Variants in CCDC15 observed in about 807,000 individuals in gnomAD.
CCDC15 encodes the protein coiled-coil domain-containing protein 15.
In CCDC15, 105 loss-of-function variants were observed where a neutral mutation model predicts 114.5. The ratio of observed to expected loss-of-function variants is 0.92; its 90% CI spans 0.78 to 1.08. The LOEUF is 1.08. Among genes scored for constraint, CCDC15 ranks in the 50% least tolerant of loss-of-function variants. The pLI is 0.00. For missense variants in CCDC15, 1,105 were observed against 1,093.6 expected, an observed-to-expected ratio of 1.01 and a Z score of -0.15; for synonymous variants, 334 against 377.8, an observed-to-expected ratio of 0.88 and a Z score of 1.34.
chr11:124,996,522 C>T (rs1948372878), intron 11 of CCDC15, among the ~76,000 whole-genome samples: 1 of 152,158 alleles, frequency 6.6e-6, no homozygotes, highest in Admixed American at 6.5e-5. Flanking sequence ...TAAATATAGA[C>T]ACATTAAAAA....
intron 13 of CCDC15, among the ~76,000 whole-genome samples, chr11:125,032,919 A>T (rs979148571): frequency 6.6e-6 from 1 of 152,210 alleles, no homozygotes; most frequent in Non-Finnish European, 1.5e-5. Flanking sequence ...GTCAGCTCAG[A>T]GTCAGTGTCC....
chr11:124,988,758 C>G (rs948904337), intron 8 of CCDC15, among the ~76,000 whole-genome samples: 9 of 152,216 alleles, frequency 5.9e-5, no homozygotes, highest in African/African-American at 2.2e-4. Flanking sequence ...ACAGTAGATT[C>G]CATCTCAAGA....
intron 13 of CCDC15, among the ~76,000 whole-genome samples, chr11:125,012,670 G>A (rs747411032): frequency 1.3e-5 from 2 of 152,092 alleles, no homozygotes; most frequent in African/African-American, 2.4e-5. Flanking sequence ...TGGTGAGTTA[G>A]GAAAACATAT....
At chr11:124,955,718 T>G (rs1188574070) in intron 2 of CCDC15, among the ~76,000 whole-genome samples, 1 of 152,198 alleles carries the variant, frequency 6.6e-6, no homozygotes, top group African/African-American at 2.4e-5. Context: ...TCAGTGTACT[T>G]GATCTCAGAA....
At chr11:125,000,822 C>G (rs571879925) in intron 11 of CCDC15, among the ~76,000 whole-genome samples, 1 of 152,276 alleles carries the variant, frequency 6.6e-6, no homozygotes, top group African/African-American at 2.4e-5. Context: ...AACACTGAAT[C>G]AGGAAATACT....
intron 4 of CCDC15, among the ~76,000 whole-genome samples, chr11:124,971,634 T>A (rs1179179797): frequency 1.0e-5 from 1 of 97,618 alleles, no homozygotes; most frequent in East Asian, 2.9e-4. Context: ...TTGTCTGGGA[T>A]TTTTTTTCTC....
intron 13 of CCDC15, among the ~76,000 whole-genome samples, chr11:125,016,240 G>A (rs935364973): frequency 6.6e-6 from 1 of 152,136 alleles, no homozygotes; most frequent in Non-Finnish European, 1.5e-5. Flanking sequence ...CATCCCACTA[G>A]TGAAAATAGA....
intron 13 of CCDC15, among the ~76,000 whole-genome samples, chr11:125,027,755 T>G (rs967893536): frequency 1.3e-5 from 2 of 152,256 alleles, no homozygotes; most frequent in Admixed American, 6.5e-5. Flanking sequence ...CCATTTATTT[T>G]TTTTTTGTTT....
rs1214550727 is a variant in CCDC15, at chr11:124,993,182, A to G, written c.2153A>G (p.Lys718Arg). Residue 718 changes from lysine (K) to arginine (R), a missense_variant, in exon 11 of 16, where the codon AAA (lysine) becomes AGA (arginine). Coordinates refer to ENST00000344762, the MANE Select transcript of CCDC15 (RefSeq NM_025004.3). The stretch of plus-strand genomic sequence containing the variant: ...TTGTTCCTTTAGAACAAGCATATCA[A>G]ACTACCCTCATCTTTTGAGAAATGG... ...DSPREQNKHI[K>R]LPSSFEKWEI... 2.9e-5 allele frequency: 46 copies of G among 1,605,458 alleles called. No homozygotes were observed. In the East Asian group the frequency reaches 1.0e-3, roughly 35 times the overall value.
At chr11:124,988,243 TC>T in intron 8 of CCDC15, 109 bp downstream of exon 8, 1 of 1,153,130 alleles carries the variant, frequency 8.7e-7, no homozygotes, top group Non-Finnish European at 1.2e-6. Context: ...TGGGTTCAGT[TC>T]CAGGCCATTG....
At chr11:124,972,499 C>T (rs1947903470) in intron 4 of CCDC15, among the ~76,000 whole-genome samples, 1 of 151,936 alleles carries the variant, frequency 6.6e-6, no homozygotes, top group Non-Finnish European at 1.5e-5. Context: ...TTATAATATC[C>T]CCCTGGGTTC....
chr11:125,015,029 T>C (rs1462732278), intron 13 of CCDC15, among the ~76,000 whole-genome samples: 2 of 152,144 alleles, frequency 1.3e-5, no homozygotes, highest in African/African-American at 4.8e-5. Flanking sequence ...CAGAAAAAAT[T>C]ATAATGGCAA....
intron 4 of CCDC15, among the ~76,000 whole-genome samples, chr11:124,963,390 C>T (rs1413504122): frequency 6.6e-6 from 1 of 152,152 alleles, no homozygotes; most frequent in Non-Finnish European, 1.5e-5. Flanking sequence ...CTCTGATGGC[C>T]AGTGATGATG....
At chr11:125,007,648 A>C (rs1442337516) in intron 13 of CCDC15, among the ~76,000 whole-genome samples, 1 of 151,924 alleles carries the variant, frequency 6.6e-6, no homozygotes, top group African/African-American at 2.4e-5. Flanking sequence ...TTTTTTTTAG[A>C]AATCTCCATA....
chr11:124,976,589 G>A (rs1024347594), intron 5 of CCDC15, among the ~76,000 whole-genome samples: 5 of 151,930 alleles, frequency 3.3e-5, no homozygotes. Flanking sequence ...CCAGGGTACT[G>A]TTAGATGAGG....
rs762762174 is a variant in CCDC15 at position 125,038,509 on chromosome 11, T to C, written c.2490T>C (p.Tyr830=). The C allele has an allele frequency of 6.3e-7, 1 of 1,587,018 alleles. No homozygotes were observed. Among genetic ancestry groups the C allele is most frequent in the Non-Finnish European group, 8.6e-7 (1 of 1,165,314 alleles). The change falls in exon 14 of 16, where the codon TAT becomes TAC. Residue 830 remains tyrosine (Y), a synonymous_variant. Coordinates refer to ENST00000344762, the MANE Select transcript of CCDC15 (RefSeq NM_025004.3). ...GAATGAACTTTCATGAAGATCCATATTCAGGAGAGAAGTTGAGTGAGATAT... is the reference window on the plus strand; with the variant it reads ...GAATGAACTTTCATGAAGATCCATACTCAGGAGAGAAGTTGAGTGAGATAT... ...ILRMNFHEDP[Y]SGEKLSEILA...
chr11:125,002,212 A>G (rs1341834383), intron 11 of CCDC15, among the ~76,000 whole-genome samples: 1 of 152,098 alleles, frequency 6.6e-6, no homozygotes, highest in African/African-American at 2.4e-5. Context: ...TGTTTGGAGA[A>G]CTGTTAGATG....
intron 4 of CCDC15, among the ~76,000 whole-genome samples, chr11:124,971,158 AG>A (rs1947873236): frequency 6.6e-6 from 1 of 152,168 alleles, no homozygotes; most frequent in East Asian, 1.9e-4. Flanking sequence ...TATAGTCTCT[AG>A]GGGTCAGTGC....
intron 6 of CCDC15, among the ~76,000 whole-genome samples, chr11:124,982,627 C>A (rs981496129): frequency 6.6e-6 from 1 of 152,236 alleles, no homozygotes; most frequent in South Asian, 2.1e-4. Context: ...CAATCTCTTC[C>A]AGCTTTTAGG....
Sources: allele counts gnomAD v4.1 joint callset (sites outside exome capture counted in the v4.1 genomes callset), GRCh38; gene constraint gnomAD v4.1.1; transcripts MANE v1.5; gene names NCBI Gene and HGNC (gene_info 2026-07-23, HGNC 2026-07-21).